Variants in CHD1L observed in about 807,000 individuals in gnomAD.
CHD1L encodes the protein chromodomain helicase DNA binding protein 1 like.
In CHD1L, 118 loss-of-function variants were observed where a neutral mutation model predicts 115.9. The ratio of observed to expected loss-of-function variants is 1.02; its 90% CI spans 0.88 to 1.19. CHD1L has a LOEUF of 1.19. Among genes scored for constraint, CHD1L ranks in the 50% most tolerant of loss-of-function variants. The pLI, the probability that CHD1L is intolerant of heterozygous loss-of-function variation, is 0.00. For synonymous variants in CHD1L, 411 were observed against 387.1 expected (o/e 1.06, Z -0.72); for missense variants, 1,179 against 1,065.3 (o/e 1.11, Z -1.49).
At position 147,279,813 on chromosome 1, in the gene CHD1L, C is replaced by T. The variant is rs587714691; in HGVS notation, c.1540-213C>T. ...TTATGCAGAATTGTCAAAGTCAATA[C>T]CTCTGATAATCATTTATCACCTCTC... is the stretch of plus-strand genomic sequence containing the variant. On this transcript the variant is annotated intron_variant, in intron 14 of 22. Coordinates refer to ENST00000369258, the MANE Select transcript of CHD1L (RefSeq NM_004284.6). Among the ~76,000 whole-genome samples the T allele has an allele frequency of 3.9e-5, 6 of 152,224 alleles. No homozygotes were observed. In the East Asian group the frequency reaches 7.7e-4, roughly 20 times the overall value.
the CHD1L span, chr1:147,208,444 C>CTTTTTTTTTTTTTTTTTTTTTTT: frequency 1.4e-5 from 2 of 145,618 alleles, no homozygotes; most frequent in South Asian, 2.1e-4. Flanking sequence ...CTTTTCTTTT[C>CTTTTTTTTTTTTTTTTTTTTTTT]TTTTTTTTTT....
intron 15 of CHD1L, among the ~76,000 whole-genome samples, chr1:147,280,850 C>G (rs1016593890): frequency 1.3e-5 from 2 of 152,134 alleles, no homozygotes; most frequent in Non-Finnish European, 2.9e-5. Context: ...ACTTATTTTT[C>G]TGTACCAGCT....
In CHD1L at chr1:147,244,837, G is replaced by A. The variant is rs938663879; in HGVS notation, c.127+2007G>A. The stretch of plus-strand genomic sequence containing the variant: ...TATTGTAAGTAACATAAATATCCTT[G>A]TAACCAAATATTTATTATAGGTATG... On this transcript the variant is annotated intron_variant, in intron 1 of 22. Coordinates refer to ENST00000369258, the MANE Select transcript of CHD1L (RefSeq NM_004284.6). 3.3e-5 allele frequency among the ~76,000 whole-genome samples: 5 copies of A among 151,700 alleles called. No individual in the cohort carries two copies. The East Asian group carries it at 7.7e-4, about 23-fold the overall frequency.
chr1:147,176,192 TA>T, the CHD1L span: 1 of 152,220 alleles, frequency 6.6e-6, no homozygotes, highest in Admixed American at 6.5e-5. Flanking sequence ...GTAAACTAAT[TA>T]TTTTTAAACA....
chr1:147,292,071 T>A (rs1685751911), intron 20 of CHD1L, among the ~76,000 whole-genome samples: 2 of 152,144 alleles, frequency 1.3e-5, no homozygotes, highest in Non-Finnish European at 2.9e-5. Flanking sequence ...CAGGCTTCCA[T>A]CCATCTGTCC....
At chr1:147,272,133 AAGGG>A (rs782241774) in intron 11 of CHD1L, 34 bp from the exon 12 acceptor site, 54 of 1,550,332 alleles carry the variant, frequency 3.5e-5, no homozygotes, top group Middle Eastern at 3.4e-4. Context: ...ACTACTTGAA[AAGGG>A]TTAAGATTTC....
the CHD1L span, among the ~76,000 whole-genome samples, chr1:147,209,228 G>C: frequency 9.9e-5 from 15 of 151,948 alleles, no homozygotes; most frequent in Non-Finnish European, 1.0e-4. Context: ...GACCATCCTG[G>C]CTAACACAGT....
At chr1:147,178,921 G>A in the CHD1L span, 1 of 1,592,270 alleles carries the variant, frequency 6.3e-7, no homozygotes, top group Non-Finnish European at 8.6e-7. Flanking sequence ...TGTGGACTAT[G>A]AAAAGAATGC....
At chr1:147,206,257 T>C in the CHD1L span, among the ~76,000 whole-genome samples, 2 of 151,472 alleles carry the variant, frequency 1.3e-5, no homozygotes, top group Non-Finnish European at 2.9e-5. Flanking sequence ...CATTAAAAAG[T>C]CAGGAAACAA....
chr1:147,294,598 C>G (rs782192621), intron 22 of CHD1L, 81 bp downstream of exon 22: 50 of 1,085,842 alleles, frequency 4.6e-5, no homozygotes, highest in Non-Finnish European at 6.3e-5. Flanking sequence ...AGTTCTTAAT[C>G]CAAGACCAAG....
chr1:147,283,568 C>T (rs1437782667), intron 15 of CHD1L, among the ~76,000 whole-genome samples: 3 of 152,104 alleles, frequency 2.0e-5, no homozygotes, highest in Non-Finnish European at 4.4e-5. Context: ...CTACTTTACT[C>T]TTTTACACAG....
chr1:147,204,439 C>T, the CHD1L span: 6,865 of 1,245,820 alleles, frequency 5.5e-3, 34 homozygotes, highest in Non-Finnish European at 7.0e-3. Context: ...TACAGAGGTA[C>T]GAAGTAGAGA....
At chr1:147,203,005 A>G in the CHD1L span, among the ~76,000 whole-genome samples, 3 of 152,100 alleles carry the variant, frequency 2.0e-5, no homozygotes, top group Non-Finnish European at 4.4e-5. Context: ...CATTTTCAAA[A>G]TGGTCTTTCT....
At chr1:147,245,726 C>T (rs587697782) in intron 1 of CHD1L, among the ~76,000 whole-genome samples, 2 of 148,990 alleles carry the variant, frequency 1.3e-5, no homozygotes, top group South Asian at 4.2e-4. Flanking sequence ...AGGTCTCACT[C>T]TGTTGCCCAG....
chr1:147,203,625 C>A, the CHD1L span: 22 of 1,240,360 alleles, frequency 1.8e-5, no homozygotes, highest in Middle Eastern at 2.0e-4. Flanking sequence ...TTCTTAATAG[C>A]GTACTGTTCA....
chr1:147,228,481 T>A, the CHD1L span, among the ~76,000 whole-genome samples: 2 of 152,250 alleles, frequency 1.3e-5, no homozygotes, highest in Non-Finnish European at 2.9e-5. Flanking sequence ...CATGTGTATA[T>A]GTCTTCATAG....
intron 14 of CHD1L, among the ~76,000 whole-genome samples, chr1:147,277,293 C>CA (rs1404811649): frequency 6.6e-6 from 1 of 151,854 alleles, no homozygotes; most frequent in Non-Finnish European, 1.5e-5. Flanking sequence ...ACTAGTCCAT[C>CA]AAAAAACATA....
intron 22 of CHD1L, among the ~76,000 whole-genome samples, chr1:147,294,939 T>A (rs942376705): frequency 5.9e-5 from 9 of 152,216 alleles, no homozygotes; most frequent in Non-Finnish European, 1.2e-4. Flanking sequence ...ACCTTTTTGA[T>A]GTATTGTTAA....
chr1:147,268,635 C>T, intron 9 of CHD1L, 147 bp from the exon 10 acceptor site: 1 of 587,412 alleles, frequency 1.7e-6, no homozygotes, highest in Admixed American at 2.9e-5. Flanking sequence ...ATGTGCTAGG[C>T]TGTGTAATTG....
Sources: gnomAD v4.1 joint callset for allele counts (sites outside exome capture counted in the v4.1 genomes callset) on GRCh38, gnomAD v4.1.1 for gene constraint, MANE v1.5 for transcripts, NCBI Gene and HGNC (gene_info 2026-07-23, HGNC 2026-07-21) for gene names.